The following LYZL1 variants were observed in gnomAD, a reference collection of about 807,000 sequenced individuals.
The protein encoded by LYZL1 is lysozyme-like protein 1.
In LYZL1, 16 loss-of-function variants were observed where a neutral mutation model predicts 17.9. That is an observed-to-expected ratio of 0.90 (90% CI 0.61 to 1.36). The LOEUF is 1.36. Among genes scored for constraint, LYZL1 ranks in the 40% most tolerant of loss-of-function variants. The pLI is 0.00. For synonymous variants in LYZL1, 58 were observed against 71.8 expected (o/e 0.81, Z 0.97); for missense variants, 149 against 188.4 (o/e 0.79, Z 1.22).
chr10:29,309,030 A>G (rs1835634492), intron 3 of LYZL1, among the ~76,000 whole-genome samples: 1 of 151,898 alleles, frequency 6.6e-6, no homozygotes. Flanking sequence ...AACTTTTTGC[A>G]TATGAAAAAC....
At chr10:29,310,696 T>C (rs995707906) in intron 4 of LYZL1, among the ~76,000 whole-genome samples, 7 of 152,150 alleles carry the variant, frequency 4.6e-5, no homozygotes, top group African/African-American at 1.7e-4. Context: ...TGGTGAACGT[T>C]GCCAGCCGGC....
chr10:29,300,061 A>G (rs765919382), intron 3 of LYZL1, among the ~76,000 whole-genome samples: 3 of 152,210 alleles, frequency 2.0e-5, no homozygotes, highest in Non-Finnish European at 2.9e-5. Context: ...CTGTGTTCCA[A>G]TAAGGCTTTA....
chr10:29,289,877 G>A (rs1256226076), intron 1 of LYZL1, among the ~76,000 whole-genome samples: 3 of 152,186 alleles, frequency 2.0e-5, no homozygotes, highest in East Asian at 3.9e-4. Context: ...CTCTGCCACT[G>A]TAGTTGGAAA....
chr10:29,293,923 G>A (rs1323816486), intron 3 of LYZL1, among the ~76,000 whole-genome samples: 1 of 151,634 alleles, frequency 6.6e-6, no homozygotes. Context: ...GCAGTGAGCC[G>A]AGATTGCACC....
intron 3 of LYZL1, among the ~76,000 whole-genome samples, chr10:29,308,703 T>C (rs7078786): frequency 0.1 from 15,939 of 152,282 alleles, 1,129 homozygotes; most frequent in African/African-American, 0.2. Context: ...GTGCTGGCTG[T>C]AGTATCAGCA....
At chr10:29,309,289 A>G (rs1835638436) in intron 3 of LYZL1, among the ~76,000 whole-genome samples, 1 of 152,168 alleles carries the variant, frequency 6.6e-6, no homozygotes, top group Non-Finnish European at 1.5e-5. Context: ...AGACTATGCC[A>G]CTGCACTCCA....
At chr10:29,291,756 C>T (rs1835368550) in intron 1 of LYZL1, 87 bp from the exon 2 acceptor site, 1 of 1,421,630 alleles carries the variant, frequency 7.0e-7, no homozygotes, top group African/African-American at 1.4e-5. Flanking sequence ...CAGGCAGCAT[C>T]TAGGCAGGGC....
downstream of LYZL1, among the ~76,000 whole-genome samples, chr10:29,313,693 T>C (rs950446789): frequency 6.6e-6 from 1 of 152,230 alleles, no homozygotes; most frequent in Admixed American, 6.5e-5. Flanking sequence ...ATTAAAGCCT[T>C]CAGAAATTCA....
intron 3 of LYZL1, among the ~76,000 whole-genome samples, chr10:29,299,011 C>G (rs1835481867): frequency 1.3e-5 from 2 of 152,174 alleles, no homozygotes; most frequent in African/African-American, 4.8e-5. Flanking sequence ...ACTGGACAGT[C>G]CCATCTGGGG....
chr10:29,317,166 C>T (rs970945309), intron 3 of LYZL1: 2 of 152,160 alleles, frequency 1.3e-5, no homozygotes, highest in Non-Finnish European at 2.9e-5. Flanking sequence ...CAGTTACTTA[C>T]GCTGACCTGT....
chr10:29,312,785 C>T (rs1343976998), downstream of LYZL1, among the ~76,000 whole-genome samples: 1 of 152,178 alleles, frequency 6.6e-6, no homozygotes, highest in African/African-American at 2.4e-5. Context: ...TATCAATCCA[C>T]ATGCCTCTGT....
chr10:29,289,077 G>T lies in LYZL1; in HGVS notation c.-179G>T. 1.3e-6 allele frequency: 2 copies of T among 1,513,540 alleles called. No homozygotes were observed. The highest frequency in any genetic ancestry group is 1.8e-6 in the Non-Finnish European group (2 of 1,122,240). The allele number at this position is 1,513,540 out of a possible 1,614,324, so 93.8% of individuals were successfully genotyped here. A position where few individuals can be genotyped will look rare whatever the true frequency, so the allele number is the denominator to read the frequency against. ...AAGAAATGTTCTTGAGCTAGGAAAG[G>T]ATTACTCGCGCCTCGTTAGAATCAG... On this transcript the variant is annotated 5_prime_UTR_variant, in exon 1 of 5. Coordinates refer to ENST00000649382, the MANE Select transcript of LYZL1 (RefSeq NM_032517.6).
At chr10:29,297,084 G>GA (rs35535332) in intron 3 of LYZL1, among the ~76,000 whole-genome samples, 1,660 of 123,026 alleles carry the variant, frequency 0.013, 27 homozygotes, top group African/African-American at 0.041. Flanking sequence ...TGCTTTTTTT[G>GA]AAAAAAAAAA....
downstream of LYZL1, among the ~76,000 whole-genome samples, chr10:29,312,559 A>G (rs369602067): frequency 1.2e-3 from 183 of 152,176 alleles, 4 homozygotes; most frequent in South Asian, 0.037. Flanking sequence ...CCCCATGACA[A>G]AGTTGTTTTC....
intron 3 of LYZL1, among the ~76,000 whole-genome samples, chr10:29,297,616 T>C (rs1353850880): frequency 6.6e-6 from 1 of 152,240 alleles, no homozygotes; most frequent in Non-Finnish European, 1.5e-5. Flanking sequence ...ATATCCACAT[T>C]GTATACACTA....
chr10:29,300,241 T>TA (rs397845123), intron 3 of LYZL1, among the ~76,000 whole-genome samples: 5,701 of 151,014 alleles, frequency 0.038, 130 homozygotes, highest in Middle Eastern at 0.12. Flanking sequence ...TCTTTGGAAT[T>TA]AAAAAAAAAA....
At chr10:29,307,346 G>A (rs1255974032) in intron 3 of LYZL1, among the ~76,000 whole-genome samples, 1 of 152,184 alleles carries the variant, frequency 6.6e-6, no homozygotes, top group East Asian at 1.9e-4. Flanking sequence ...TTTTGCATAT[G>A]AGTGAGATCA....
intron 4 of LYZL1, among the ~76,000 whole-genome samples, chr10:29,317,880 G>A (rs1037843686): frequency 6.6e-6 from 1 of 151,606 alleles, no homozygotes; most frequent in Non-Finnish European, 1.5e-5. Flanking sequence ...GAAGTTCAAG[G>A]TTACAGTGAG....
chr10:29,297,962 C>A (rs947814368), intron 3 of LYZL1, among the ~76,000 whole-genome samples: 5 of 152,136 alleles, frequency 3.3e-5, no homozygotes, highest in Non-Finnish European at 7.3e-5. Context: ...AAAACCATTT[C>A]CACTATAAAA....
Sources: gnomAD v4.1 joint callset for allele counts (sites outside exome capture counted in the v4.1 genomes callset) on GRCh38, gnomAD v4.1.1 for gene constraint, MANE v1.5 for transcripts, NCBI Gene and HGNC (gene_info 2026-07-23, HGNC 2026-07-21) for gene names.